LHX4: variants seen among roughly 807,000 people sequenced by gnomAD.
LHX4 encodes LIM/homeobox protein Lhx4.
Under a neutral mutation model 39.2 loss-of-function variants are expected in LHX4, and 16 were observed. The ratio of observed to expected loss-of-function variants is 0.41; its 90% CI spans 0.28 to 0.62. LHX4 has a LOEUF of 0.62. Among genes scored for constraint, LHX4 ranks in the 20% least tolerant of loss-of-function variants. The pLI is 0.33. For synonymous variants in LHX4, 206 were observed against 198.1 expected (o/e 1.04, Z -0.33); for missense variants, 439 against 511.9 (o/e 0.86, Z 1.37).
chr1:180,271,271 GC>G, intron 3 of LHX4, 108 bp from the exon 4 acceptor site: 1 of 1,268,888 alleles, frequency 7.9e-7, no homozygotes, highest in East Asian at 2.3e-5. Context: ...GCGCTGTCCT[GC>G]CTACAGCAGG....
chr1:180,231,509 C>G (rs994646676), intron 1 of LHX4, among the ~76,000 whole-genome samples: 3 of 149,520 alleles, frequency 2.0e-5, no homozygotes, highest in African/African-American at 7.4e-5. Flanking sequence ...GAGCGAGAGT[C>G]CCCGAGAGGG....
In LHX4 at chr1:180,277,370, C is replaced by T. The variant is rs564105781; in HGVS notation, c.*2791C>T. ...GGTGCTACATGGTAGCTGTTTCCCC[C>T]CTTGCTAAAATGACATGGATGAATT... On this transcript the variant is annotated 3_prime_UTR_variant, in exon 6 of 6. Coordinates refer to ENST00000263726, the MANE Select transcript of LHX4 (RefSeq NM_033343.4). 2.6e-5 allele frequency: 4 copies of T among 152,148 alleles called. No homozygotes were observed. In the East Asian group the frequency reaches 7.7e-4, roughly 29 times the overall value. The allele number at this position is 152,148 out of a possible 1,614,324, so 9.4% of individuals were successfully genotyped here. A position where few individuals can be genotyped will look rare whatever the true frequency, so the allele number is the denominator to read the frequency against.
At chr1:180,229,707 A>G (rs1320927252), upstream of LHX4, among the ~76,000 whole-genome samples, 1 of 151,722 alleles carries the variant, frequency 6.6e-6, no homozygotes, top group Non-Finnish European at 1.5e-5. Context: ...GCGCAAGGCG[A>G]AGACACAGCG....
chr1:180,230,487 G>T lies in LHX4; in HGVS notation c.-43G>T, dbSNP rs1289053476. ...CTGAATCGAGCTAGAGCGAGAGAGC[G>T]AGAGATCTCCGTAGACTGCGACTCG... On this transcript the variant is annotated 5_prime_UTR_variant, in exon 1 of 6. Coordinates refer to ENST00000263726, the MANE Select transcript of LHX4 (RefSeq NM_033343.4). This position sits in a 1 kb window ranked among gnomAD's most constrained non-coding sequence, Gnocchi z 5.8. 6 of 1,526,612 alleles carry T rather than the reference G, an allele frequency of 3.9e-6. No homozygotes were observed. The highest frequency in any genetic ancestry group is 1.7e-5 in the Admixed American group (1 of 59,382). The allele number at this position is 1,526,612 out of a possible 1,614,324, so 94.6% of individuals were successfully genotyped here.
chr1:180,267,754 T>TC (rs1360048647), intron 3 of LHX4, among the ~76,000 whole-genome samples: 2 of 152,228 alleles, frequency 1.3e-5, no homozygotes, highest in African/African-American at 4.8e-5. Flanking sequence ...TCCTTCTAGA[T>TC]CTTTTCTGGG....
chr1:180,235,973 C>T (rs914444743), intron 1 of LHX4, among the ~76,000 whole-genome samples: 2 of 152,122 alleles, frequency 1.3e-5, no homozygotes, highest in African/African-American at 4.8e-5. Flanking sequence ...ACTAGAAAAG[C>T]CGTGAAGGGA....
chr1:180,248,166 C>T (rs973752661), intron 1 of LHX4, 119 bp from the exon 2 acceptor site: 15 of 876,456 alleles, frequency 1.7e-5, no homozygotes, highest in African/African-American at 1.3e-4. Context: ...AACAGCTCTG[C>T]GGTTTGGGCC....
chr1:180,248,589 G>C (rs1647480733), intron 2 of LHX4, 133 bp downstream of exon 2: 1 of 938,382 alleles, frequency 1.1e-6, no homozygotes, highest in African/African-American at 1.6e-5. Flanking sequence ...AAATCCTGGA[G>C]CTGAGAGGAT....
chr1:180,265,995 A>G (rs1194040427), intron 2 of LHX4, among the ~76,000 whole-genome samples: 1 of 152,152 alleles, frequency 6.6e-6, no homozygotes, highest in Non-Finnish European at 1.5e-5. Flanking sequence ...GTTCCCTGTG[A>G]GGATGTCCTC....
In LHX4 at chr1:180,266,565, A is replaced by G. The variant is rs1350175136; in HGVS notation, c.422A>G (p.Lys141Arg). 1.9e-6 allele frequency: 3 copies of G among 1,614,130 alleles called. No homozygotes were observed. The highest frequency in any genetic ancestry group is 2.5e-6 in the Non-Finnish European group (3 of 1,180,010). ...YLMEDGRLVC[K>R]EDYETAKQND... is the part of the protein sequence containing the mutation. Reference sequence around the variant, plus strand: ...ATGGAGGACGGGCGGCTGGTGTGCAAGGAAGACTACGAGACAGCCAAGCAG... The same window carrying G: ...ATGGAGGACGGGCGGCTGGTGTGCAGGGAAGACTACGAGACAGCCAAGCAG... The change falls in exon 3 of 6, where the codon AAG becomes AGG. Residue 141 changes from lysine (K) to arginine (R), a missense_variant. By Grantham distance (26) the Lys-to-Arg change is conservative. Transcript: ENST00000263726. The surrounding 1 kb of genome is among the most constrained non-coding windows in gnomAD (Gnocchi z 5.7).
chr1:180,258,283 G>A (rs539506415), intron 2 of LHX4, among the ~76,000 whole-genome samples: 2 of 152,224 alleles, frequency 1.3e-5, no homozygotes, highest in African/African-American at 4.8e-5. Flanking sequence ...GGAAATGCAG[G>A]TACCTGGGGG....
intron 1 of LHX4, among the ~76,000 whole-genome samples, chr1:180,239,748 T>C (rs779163111): frequency 6.6e-6 from 1 of 152,226 alleles, no homozygotes; most frequent in Non-Finnish European, 1.5e-5. Flanking sequence ...GAATGTCCGC[T>C]TCACAGGGTG....
intron 2 of LHX4, among the ~76,000 whole-genome samples, chr1:180,258,398 A>G (rs972435073): frequency 6.6e-6 from 1 of 152,182 alleles, no homozygotes; most frequent in Non-Finnish European, 1.5e-5. Context: ...GGGATGCCAT[A>G]GTGCCTTGGT....
chr1:180,271,031 T>A (rs1296890670), intron 3 of LHX4: 1 of 365,466 alleles, frequency 2.7e-6, no homozygotes, highest in Non-Finnish European at 5.3e-6. Context: ...TGGCAAGAAC[T>A]CATGAGGATG....
intron 2 of LHX4, among the ~76,000 whole-genome samples, chr1:180,262,583 T>G (rs1283306312): frequency 6.6e-6 from 1 of 151,978 alleles, no homozygotes; most frequent in African/African-American, 2.4e-5. Flanking sequence ...GGAAGAGGGA[T>G]TGTCCTGTGA....
Position 180,278,688 on chromosome 1 carries a change from G to A in LHX4, c.*4109G>A, listed in dbSNP as rs1649191781. The A allele has an allele frequency of 6.6e-6, 1 of 151,674 alleles. No individual in the cohort carries two copies. The highest frequency in any genetic ancestry group is 2.1e-4 in the South Asian group (1 of 4,810). 9.4% of individuals were successfully genotyped at this position (151,674 alleles called of 1,614,324 possible). ...CCAAACAAGCAGGTTCAGGGCTGCG[G>A]GATTCCAGAAGTTGCTCTGAGCTTG... On this transcript the variant is annotated 3_prime_UTR_variant, in exon 6 of 6. Coordinates refer to ENST00000263726, the MANE Select transcript of LHX4 (RefSeq NM_033343.4).
intron 5 of LHX4, 131 bp from the exon 6 acceptor site, chr1:180,274,054 C>T: frequency 8.8e-7 from 1 of 1,141,358 alleles, no homozygotes. Flanking sequence ...TGTGTCTGAC[C>T]CATGCTTGGC....
At position 180,274,750 on chromosome 1, in the gene LHX4, T is replaced by C; in HGVS notation, c.*171T>C. 1.3e-6 allele frequency: 1 copy of C among 743,732 alleles called. No individual in the cohort carries two copies. The highest frequency in any genetic ancestry group is 2.1e-6 in the Non-Finnish European group (1 of 470,838). 46.1% of individuals were successfully genotyped at this position (743,732 alleles called of 1,614,324 possible). ...GCTGTGAGACCACACTAGGGCATTG[T>C]TTCCCTGGGGAAGCAGTGGGAGAGC... On this transcript the variant is annotated 3_prime_UTR_variant, in exon 6 of 6. Transcript: ENST00000263726.
At chr1:180,262,487 A>G (rs1409325741) in intron 2 of LHX4, among the ~76,000 whole-genome samples, 1 of 152,072 alleles carries the variant, frequency 6.6e-6, no homozygotes. Flanking sequence ...GATTTATGTC[A>G]GAATCTTGCA....
Sources: gnomAD v4.1 joint callset for allele counts (sites outside exome capture counted in the v4.1 genomes callset) on GRCh38, gnomAD v4.1.1 for gene constraint, Gnocchi (gnomAD v3.1) non-coding constraint, MANE v1.5 for transcripts, NCBI Gene and HGNC (gene_info 2026-07-23, HGNC 2026-07-21) for gene names.